Variants in PRKCE observed in about 807,000 individuals in gnomAD.
PRKCE encodes protein kinase C epsilon.
PRKCE carries 16 observed loss-of-function variants against 85.4 expected under a neutral mutation model. The ratio of observed to expected loss-of-function variants is 0.19; its 90% CI spans 0.13 to 0.28. PRKCE has a LOEUF of 0.28. Among genes scored for constraint, PRKCE ranks in the 10% least tolerant of loss-of-function variants. The pLI, the probability that PRKCE is intolerant of heterozygous loss-of-function variation, is 1.00. For synonymous variants in PRKCE, 388 were observed against 371.5 expected, an observed-to-expected ratio of 1.04 and a Z score of -0.51; for missense variants, 573 against 975.2, an observed-to-expected ratio of 0.59 and a Z score of 5.49.
chr2:46,116,976 T>A (rs12618703), intron 11 of PRKCE, among the ~76,000 whole-genome samples: 1 of 152,180 alleles, frequency 6.6e-6, no homozygotes, highest in African/African-American at 2.4e-5. Flanking sequence ...AAGAAAATTA[T>A]TGGTCAAATT....
In PRKCE at chr2:45,767,087, G is replaced by C. The variant is rs374596453; in HGVS notation, c.349-75913G>C. 3.9e-5 allele frequency among the ~76,000 whole-genome samples: 6 copies of C among 151,902 alleles called. No individual in the cohort carries two copies. The East Asian group carries it at 5.8e-4, about 15-fold the overall frequency. On this transcript the variant is annotated intron_variant, in intron 1 of 14. Transcript: ENST00000306156. ...TCCTGTGGGCAAATTTGGAAAAATG[G>C]CACGGTCATGTTCTACTTTGGTCTT...
At chr2:46,166,213 A>T (rs112368258) in intron 14 of PRKCE, among the ~76,000 whole-genome samples, 2,646 of 152,340 alleles carry the variant, frequency 0.017, 57 homozygotes, top group African/African-American at 0.061. Flanking sequence ...AGCCCTGTTG[A>T]ACAGGCAGCC....
At chr2:45,713,980 G>T (rs146169588) in intron 1 of PRKCE, among the ~76,000 whole-genome samples, 1 of 152,188 alleles carries the variant, frequency 6.6e-6, no homozygotes, top group South Asian at 2.1e-4. Flanking sequence ...AAAGGGAAGG[G>T]CATTGACATA....
chr2:46,066,555 C>T (rs541587338), intron 10 of PRKCE, among the ~76,000 whole-genome samples: 2 of 152,246 alleles, frequency 1.3e-5, no homozygotes, highest in South Asian at 2.1e-4. Context: ...TGTACAAATA[C>T]ATTGTAGAAA....
chr2:45,736,821 G>T (rs1682103946), intron 1 of PRKCE, among the ~76,000 whole-genome samples: 1 of 152,250 alleles, frequency 6.6e-6, no homozygotes, highest in South Asian at 2.1e-4. Flanking sequence ...GTGATGGTAA[G>T]CGACTGTGGA....
chr2:45,892,745 G>T (rs2103619086), intron 2 of PRKCE, among the ~76,000 whole-genome samples: 1 of 152,310 alleles, frequency 6.6e-6, no homozygotes, highest in South Asian at 2.1e-4. Flanking sequence ...GCATATGCTT[G>T]AGCAAAATTG....
chr2:46,094,705 A>C (rs1216819271), intron 11 of PRKCE, among the ~76,000 whole-genome samples: 1 of 152,144 alleles, frequency 6.6e-6, no homozygotes, highest in Non-Finnish European at 1.5e-5. Context: ...TACCTAGGTG[A>C]TGGGATGATC....
chr2:45,864,195 C>G (rs944817167), intron 2 of PRKCE, among the ~76,000 whole-genome samples: 3 of 152,284 alleles, frequency 2.0e-5, no homozygotes, highest in African/African-American at 7.2e-5. Flanking sequence ...AATGGATACC[C>G]TCAACATCAG....
At chr2:46,061,336 C>G (rs1667101941) in intron 10 of PRKCE, among the ~76,000 whole-genome samples, 1 of 152,034 alleles carries the variant, frequency 6.6e-6, no homozygotes, top group Admixed American at 6.6e-5. Context: ...TCTCAAAACT[C>G]CTGGGCTCGA....
At chr2:45,884,651 A>T (rs139127266) in intron 2 of PRKCE, among the ~76,000 whole-genome samples, 29 of 152,264 alleles carry the variant, frequency 1.9e-4, no homozygotes, top group Middle Eastern at 3.4e-3. Context: ...CTTGTTGGTG[A>T]CTGAGCCAGT....
chr2:45,985,789 G>A (rs1558922548), intron 6 of PRKCE, among the ~76,000 whole-genome samples: 1 of 152,206 alleles, frequency 6.6e-6, no homozygotes, highest in East Asian at 1.9e-4. Context: ...TAAGGTTGGA[G>A]GTAGAAATGG....
At chr2:45,874,093 C>G (rs968390898) in intron 2 of PRKCE, among the ~76,000 whole-genome samples, 1 of 152,210 alleles carries the variant, frequency 6.6e-6, no homozygotes, top group Non-Finnish European at 1.5e-5. Flanking sequence ...CCCACAAGGG[C>G]TGGTGCTGAA....
intron 6 of PRKCE, among the ~76,000 whole-genome samples, chr2:45,997,023 GTCT>G (rs1241827775): frequency 6.6e-6 from 1 of 152,126 alleles, no homozygotes; most frequent in Non-Finnish European, 1.5e-5. Context: ...TACTGTGTAT[GTCT>G]TCTTATGTAA....
chr2:45,659,387 A>G (rs77525359), intron 1 of PRKCE, among the ~76,000 whole-genome samples: 14 of 152,070 alleles, frequency 9.2e-5, no homozygotes, highest in Admixed American at 2.6e-4. Context: ...CATCCTTTCC[A>G]TACCTTTGCT....
chr2:46,045,830 C>T lies in PRKCE; in HGVS notation c.1437+35313C>T, dbSNP rs548777716. Among the ~76,000 whole-genome samples, 14 of 151,706 alleles carry T rather than the reference C, an allele frequency of 9.2e-5. No individual in the cohort carries two copies. In the South Asian group the frequency reaches 1.0e-3, roughly 11 times the overall value. ...GGAGGCAGTTGTTGTTGCAGTGAGC[C>T]GAGATCATACCACTGCACTCCAGCC... On this transcript the variant is annotated intron_variant, in intron 10 of 14. Transcript: ENST00000306156.
At chr2:45,945,240 G>A (rs1392923818) in intron 2 of PRKCE, among the ~76,000 whole-genome samples, 1 of 152,196 alleles carries the variant, frequency 6.6e-6, no homozygotes. Context: ...TTGGCTCACA[G>A]TTCTGCAGGC....
At chr2:45,874,820 G>A (rs1694350427) in intron 2 of PRKCE, among the ~76,000 whole-genome samples, 1 of 152,094 alleles carries the variant, frequency 6.6e-6, no homozygotes, top group Admixed American at 6.5e-5. Flanking sequence ...TTCAGAATAT[G>A]CCACCAAACA....
chr2:46,098,679 G>C lies in PRKCE; in HGVS notation c.1592+12317G>C, dbSNP rs567180374. On this transcript the variant is annotated intron_variant, in intron 11 of 14. Coordinates refer to ENST00000306156, the MANE Select transcript of PRKCE (RefSeq NM_005400.3). ...TGTTCTATAGAAAGTAGATGCCTTGGAACAATTATTGCTGCAATATATTCA... is the reference window on the plus strand; with the variant it reads ...TGTTCTATAGAAAGTAGATGCCTTGCAACAATTATTGCTGCAATATATTCA... Among the ~76,000 whole-genome samples, 5 of 152,240 alleles carry C rather than the reference G, an allele frequency of 3.3e-5. No individual in the cohort carries two copies. In the East Asian group the frequency reaches 9.6e-4, roughly 29 times the overall value.
At chr2:45,926,943 G>C (rs1337784230) in intron 2 of PRKCE, among the ~76,000 whole-genome samples, 2 of 152,042 alleles carry the variant, frequency 1.3e-5, no homozygotes, top group Non-Finnish European at 2.9e-5. Flanking sequence ...ATGGTGAGAA[G>C]TATAGAACCT....
Sources: allele counts gnomAD v4.1 joint callset (sites outside exome capture counted in the v4.1 genomes callset), GRCh38; gene constraint gnomAD v4.1.1; transcripts MANE v1.5; gene names NCBI Gene and HGNC (gene_info 2026-07-23, HGNC 2026-07-21).